NKAIN3: variants seen among roughly 807,000 people sequenced by gnomAD.
NKAIN3 encodes the protein sodium/potassium-transporting ATPase subunit beta-1-interacting protein 3.
NKAIN3 carries 25 observed loss-of-function variants against 30.2 expected under a neutral mutation model. That is an observed-to-expected ratio of 0.83 (90% CI 0.60 to 1.16). The LOEUF (loss-of-function observed/expected upper bound fraction) is 1.16, where lower values mean the gene tolerates loss of function less well. Among genes scored for constraint, NKAIN3 ranks in the 50% most tolerant of loss-of-function variants. NKAIN3 has a pLI of 0.00. For missense variants in NKAIN3, 225 were observed against 254.1 expected, an observed-to-expected ratio of 0.89 and a Z score of 0.78; for synonymous variants, 91 against 89.6, an observed-to-expected ratio of 1.02 and a Z score of -0.09.
chr8:62,915,684 G>A (rs1374324563), intron 4 of NKAIN3, among the ~76,000 whole-genome samples: 1 of 152,060 alleles, frequency 6.6e-6, no homozygotes, highest in East Asian at 1.9e-4. Context: ...ACCCCTAAGG[G>A]AGAACCCACC....
chr8:62,842,316 G>A (rs1452114527), intron 4 of NKAIN3, among the ~76,000 whole-genome samples: 1 of 151,904 alleles, frequency 6.6e-6, no homozygotes, highest in African/African-American at 2.4e-5. Context: ...GAAGGTAAAA[G>A]ACTTATATAC....
intron 1 of NKAIN3, among the ~76,000 whole-genome samples, chr8:62,417,496 G>A (rs1004473208): frequency 6.6e-6 from 1 of 152,120 alleles, no homozygotes; most frequent in Non-Finnish European, 1.5e-5. Flanking sequence ...CCAGCATTGA[G>A]CTTGCTGGAA....
chr8:62,335,486 A>G (rs1488293373), intron 1 of NKAIN3, among the ~76,000 whole-genome samples: 1 of 151,632 alleles, frequency 6.6e-6, no homozygotes, highest in Non-Finnish European at 1.5e-5. Context: ...TTATTCCATC[A>G]GAGCCCTGCC....
intron 4 of NKAIN3, among the ~76,000 whole-genome samples, chr8:62,763,659 A>G (rs982182566): frequency 6.6e-6 from 1 of 152,228 alleles, no homozygotes; most frequent in African/African-American, 2.4e-5. Flanking sequence ...ATAAGCAGGG[A>G]ACTGTGTTGT....
intron 1 of NKAIN3, among the ~76,000 whole-genome samples, chr8:62,373,492 G>C: frequency 6.6e-6 from 1 of 152,076 alleles, no homozygotes. Flanking sequence ...GATCTGTTTT[G>C]CTCTTATGCC....
chr8:62,994,508 A>T (rs1448555528), intron 5 of NKAIN3, among the ~76,000 whole-genome samples: 2 of 152,226 alleles, frequency 1.3e-5, no homozygotes, highest in Non-Finnish European at 2.9e-5. Context: ...CAGATCAAGG[A>T]AGGAGACATT....
chr8:62,759,822 G>A (rs2130613635), intron 4 of NKAIN3, among the ~76,000 whole-genome samples: 1 of 152,224 alleles, frequency 6.6e-6, no homozygotes, highest in East Asian at 1.9e-4. Flanking sequence ...CCATCAGAGT[G>A]AACAGGCAAC....
intron 1 of NKAIN3, among the ~76,000 whole-genome samples, chr8:62,538,422 A>G (rs1231857349): frequency 6.6e-6 from 1 of 151,812 alleles, no homozygotes; most frequent in Non-Finnish European, 1.5e-5. Context: ...CAATTCCCCC[A>G]CCTCGGCCTC....
intron 4 of NKAIN3, among the ~76,000 whole-genome samples, chr8:62,809,564 A>G (rs1413107148): frequency 6.6e-6 from 1 of 152,146 alleles, no homozygotes; most frequent in Non-Finnish European, 1.5e-5. Context: ...TATGAAGAAA[A>G]TACTTGACTC....
At chr8:62,866,417 C>G (rs1324930714) in intron 4 of NKAIN3, among the ~76,000 whole-genome samples, 1 of 152,094 alleles carries the variant, frequency 6.6e-6, no homozygotes, top group Non-Finnish European at 1.5e-5. Flanking sequence ...TTTTTATTGT[C>G]TTTCCATGAA....
intron 3 of NKAIN3, among the ~76,000 whole-genome samples, chr8:62,721,145 T>A (rs902601519): frequency 3.0e-4 from 46 of 152,204 alleles, no homozygotes; most frequent in African/African-American, 1.1e-3. Context: ...AATATCCCTG[T>A]AGCAGAGTCA....
intron 4 of NKAIN3, among the ~76,000 whole-genome samples, chr8:62,771,462 A>G (rs1246281887): frequency 6.6e-6 from 1 of 152,124 alleles, no homozygotes; most frequent in East Asian, 1.9e-4. Context: ...AGAAACAGAA[A>G]TTATTCAATT....
At chr8:62,401,830 G>A (rs753537307) in intron 1 of NKAIN3, among the ~76,000 whole-genome samples, 34 of 152,146 alleles carry the variant, frequency 2.2e-4, no homozygotes, top group African/African-American at 6.0e-4. Context: ...TGGGAAAGGC[G>A]GTGACACCAT....
At chr8:62,776,825 C>A (rs889943189) in intron 4 of NKAIN3, among the ~76,000 whole-genome samples, 1 of 152,136 alleles carries the variant, frequency 6.6e-6, no homozygotes, top group South Asian at 2.1e-4. Context: ...ATGATTACTT[C>A]TCACTCATTA....
At chr8:62,946,283 C>A (rs760993237) in intron 5 of NKAIN3, among the ~76,000 whole-genome samples, 9 of 152,160 alleles carry the variant, frequency 5.9e-5, no homozygotes, top group Non-Finnish European at 1.3e-4. Flanking sequence ...AAGGCACTGT[C>A]AAGTCCACTG....
chr8:62,437,106 AT>A (rs1390135326), intron 1 of NKAIN3, among the ~76,000 whole-genome samples: 1 of 152,114 alleles, frequency 6.6e-6, no homozygotes, highest in Non-Finnish European at 1.5e-5. Context: ...GACTGGTACT[AT>A]TAGTTGTGAG....
intron 1 of NKAIN3, among the ~76,000 whole-genome samples, chr8:62,395,161 G>A (rs982948019): frequency 1.3e-5 from 2 of 151,564 alleles, no homozygotes; most frequent in Non-Finnish European, 2.9e-5. Flanking sequence ...GGACAGAGGC[G>A]GTCCTCACTT....
At chr8:62,814,631 A>G (rs1217464328) in intron 4 of NKAIN3, among the ~76,000 whole-genome samples, 5 of 152,270 alleles carry the variant, frequency 3.3e-5, no homozygotes, top group Middle Eastern at 3.4e-3. Flanking sequence ...CTGAATGACT[A>G]CTGGGTACAT....
At chr8:62,926,350 C>G (rs914838564) in intron 5 of NKAIN3, among the ~76,000 whole-genome samples, 2 of 152,200 alleles carry the variant, frequency 1.3e-5, no homozygotes, top group African/African-American at 4.8e-5. Flanking sequence ...TCTCAACGGT[C>G]TCACAAAGCT....
Sources: allele counts gnomAD v4.1 joint callset (sites outside exome capture counted in the v4.1 genomes callset), GRCh38; gene constraint gnomAD v4.1.1; transcripts MANE v1.5; gene names NCBI Gene and HGNC (gene_info 2026-07-23, HGNC 2026-07-21).